SLC39A12: variants seen among roughly 807,000 people sequenced by gnomAD.
SLC39A12 encodes solute carrier family 39 member 12.
Under a neutral mutation model 71.1 loss-of-function variants are expected in SLC39A12, and 63 were observed. The ratio of observed to expected loss-of-function variants is 0.89; its 90% confidence interval spans 0.72 to 1.09. The LOEUF (loss-of-function observed/expected upper bound fraction) is 1.09. SLC39A12 is among the 50% of genes least tolerant of loss of function. The pLI is 0.00. For missense variants in SLC39A12, 892 were observed against 812.6 expected, an observed-to-expected ratio of 1.10 and a Z score of -1.19; for synonymous variants, 351 against 301.3, an observed-to-expected ratio of 1.16 and a Z score of -1.71.
chr10:17,987,047 G>T (rs1835416816), intron 6 of SLC39A12, among the ~76,000 whole-genome samples: 1 of 152,158 alleles, frequency 6.6e-6, no homozygotes, highest in Non-Finnish European at 1.5e-5. Flanking sequence ...AAAATTCCAA[G>T]TTGGGGGCAG....
chr10:18,000,160 G>T (rs1051729661), intron 10 of SLC39A12, among the ~76,000 whole-genome samples: 8 of 152,146 alleles, frequency 5.3e-5, no homozygotes, highest in Non-Finnish European at 8.8e-5. Flanking sequence ...GGCAGAAGGG[G>T]CAAGGGAACT....
intron 12 of SLC39A12, among the ~76,000 whole-genome samples, chr10:18,041,772 CAT>C (rs1234170224): frequency 7.4e-6 from 1 of 134,330 alleles, no homozygotes; most frequent in Non-Finnish European, 1.6e-5. Flanking sequence ...CATATGTATA[CAT>C]ATGTATATAC....
intron 12 of SLC39A12, among the ~76,000 whole-genome samples, chr10:18,040,022 T>A (rs116968288): frequency 6.6e-6 from 1 of 152,288 alleles, no homozygotes; most frequent in East Asian, 1.9e-4. Flanking sequence ...GTTAACTATA[T>A]GAGAAACTTG....
intron 12 of SLC39A12, among the ~76,000 whole-genome samples, chr10:18,032,824 A>G (rs1262714055): frequency 6.7e-6 from 1 of 149,088 alleles, no homozygotes; most frequent in African/African-American, 2.5e-5. Context: ...AATACGTCCC[A>G]TCAATACCTA....
intron 12 of SLC39A12, among the ~76,000 whole-genome samples, chr10:18,035,981 C>T (rs1367519454): frequency 6.6e-6 from 1 of 152,140 alleles, no homozygotes; most frequent in South Asian, 2.1e-4. Flanking sequence ...GTCAGGGACC[C>T]ACTTGAGGAG....
chr10:18,022,918 T>C (rs7074271), intron 12 of SLC39A12, among the ~76,000 whole-genome samples: 28,930 of 152,140 alleles, frequency 0.19, 4,600 homozygotes, highest in African/African-American at 0.43. Flanking sequence ...TTTTTTGGTG[T>C]TGAAATTTGG....
intron 12 of SLC39A12, among the ~76,000 whole-genome samples, chr10:18,034,966 A>G (rs1270106796): frequency 6.6e-6 from 1 of 151,770 alleles, no homozygotes; most frequent in African/African-American, 2.4e-5. Context: ...AAGAATGTTG[A>G]ATATTGGCCC....
chr10:17,976,716 C>T (rs778844536), intron 4 of SLC39A12, among the ~76,000 whole-genome samples: 1 of 152,194 alleles, frequency 6.6e-6, no homozygotes, highest in Non-Finnish European at 1.5e-5. Context: ...TGAGCCACCA[C>T]GCTGGTCCTC....
chr10:18,033,780 G>A (rs979323643), intron 12 of SLC39A12, among the ~76,000 whole-genome samples: 1 of 146,706 alleles, frequency 6.8e-6, no homozygotes, highest in Non-Finnish European at 1.5e-5. Flanking sequence ...TTTCTCTTGT[G>A]GGCATTTAGT....
intron 12 of SLC39A12, among the ~76,000 whole-genome samples, chr10:18,038,247 A>C (rs558669513): frequency 1.3e-5 from 2 of 152,194 alleles, no homozygotes; most frequent in East Asian, 1.9e-4. Context: ...TAATTTTCTC[A>C]CTGGGAGTAG....
Position 17,965,686 on chromosome 10 carries a change from A to G in SLC39A12, c.747A>G (p.Leu249=), listed in dbSNP as rs201850879. 169 of 1,611,542 alleles carry G rather than the reference A, an allele frequency of 1.0e-4. No individual in the cohort carries two copies. The highest frequency in any genetic ancestry group is 3.3e-4 in the Middle Eastern group (2 of 6,076). Residue 249 remains leucine, a synonymous_variant, in exon 4 of 13, where the codon CTA becomes CTG. Coordinates refer to ENST00000377369, the MANE Select transcript of SLC39A12 (RefSeq NM_001145195.2). ...TGAATCGTACGAATACCCTCCGCCTATCAGGTAAGGATGTTTTCACGAATT... is the reference window on the plus strand; with the variant it reads ...TGAATCGTACGAATACCCTCCGCCTGTCAGGTAAGGATGTTTTCACGAATT... ...SSLNRTNTLR[L]SELDQLLNTL...
Position 17,966,960 on chromosome 10 carries a change from C to T in SLC39A12, c.751+1270C>T, listed in dbSNP as rs544096959. On this transcript the variant is annotated intron_variant, in intron 4 of 12. Coordinates refer to ENST00000377369, the MANE Select transcript of SLC39A12 (RefSeq NM_001145195.2). ...CTGCACTCCACCTTTCAAGACAGAG[C>T]GAGATTCCATCTCAAAAAAAAAAAA... Among the ~76,000 whole-genome samples, 6 of 150,786 alleles carry T rather than the reference C, an allele frequency of 4.0e-5. No individual in the cohort carries two copies. The East Asian group carries it at 7.8e-4, about 20-fold the overall frequency.
Position 17,961,784 on chromosome 10 carries a change from T to C in SLC39A12, c.465T>C (p.Asp155=). 1.2e-6 allele frequency: 2 copies of C among 1,614,146 alleles called. No individual in the cohort carries two copies. Among genetic ancestry groups the C allele is most frequent in the Non-Finnish European group, 1.7e-6 (2 of 1,180,008 alleles). ...HSLLSLRQDE[D]SSFLSQNETE... ...TACTGAGCCTCAGGCAGGATGAAGATTCCTCTTTCCTTTCACAGAATGAGA... is the reference window on the plus strand; with the variant it reads ...TACTGAGCCTCAGGCAGGATGAAGACTCCTCTTTCCTTTCACAGAATGAGA... Residue 155 remains aspartate, a synonymous_variant, in exon 3 of 13, where the codon GAT becomes GAC. Transcript: ENST00000377369.
rs900733942 is a variant in SLC39A12 at position 17,978,030 on chromosome 10, T to C, written c.880T>C (p.Ser294Pro). 7 of 1,604,624 alleles carry C rather than the reference T, an allele frequency of 4.4e-6. No individual in the cohort carries two copies. Among genetic ancestry groups the C allele is most frequent in the Non-Finnish European group, 5.9e-6 (7 of 1,176,738 alleles). Residue 294 changes from serine (S) to proline (P), a missense_variant, in exon 5 of 13, where the codon TCC becomes CCC. By Grantham distance (74) the Ser-to-Pro change is moderately conservative (BLOSUM62 -1). Coordinates refer to ENST00000377369, the MANE Select transcript of SLC39A12 (RefSeq NM_001145195.2). ...TCAGGACTATTCTAATTTCTCTTCATCCATGGAAAAAGAGTCTGAGGATGG... is the reference window on the plus strand; with the variant it reads ...TCAGGACTATTCTAATTTCTCTTCACCCATGGAAAAAGAGTCTGAGGATGG... The part of the protein sequence containing the change: ...HDQDYSNFSS[S>P]MEKESEDGPV...
intron 11 of SLC39A12, chr10:18,001,734 T>C (rs954976807): frequency 6.6e-5 from 10 of 152,212 alleles, no homozygotes; most frequent in African/African-American, 2.4e-4. Context: ...GTACATGCGA[T>C]GTTTTGATAC....
chr10:17,973,994 A>G (rs577967945), intron 4 of SLC39A12, among the ~76,000 whole-genome samples: 10 of 151,718 alleles, frequency 6.6e-5, no homozygotes, highest in Admixed American at 2.0e-4. Context: ...CAGTTCTGCT[A>G]TTAAGACTCT....
intron 12 of SLC39A12, among the ~76,000 whole-genome samples, chr10:18,033,914 T>TAGTC (rs1836924111): frequency 6.6e-6 from 1 of 151,666 alleles, no homozygotes; most frequent in African/African-American, 2.4e-5. Flanking sequence ...ATGTACCCAG[T>TAGTC]AGTCATTCAG....
intron 9 of SLC39A12, among the ~76,000 whole-genome samples, chr10:17,995,294 A>G (rs1835656140): frequency 2.0e-5 from 3 of 152,178 alleles, no homozygotes; most frequent in Admixed American, 1.3e-4. Flanking sequence ...AATCCACCAT[A>G]CAGGAGAAGT....
At chr10:18,036,784 A>ATTTTTTTTTTTTTT (rs1277319900) in intron 12 of SLC39A12, among the ~76,000 whole-genome samples, 3 of 7,688 alleles carry the variant, frequency 3.9e-4, no homozygotes, top group Non-Finnish European at 6.1e-4. Flanking sequence ...ATATATATAT[A>ATTTTTTTTTTTTTT]TATATATATA....
Sources: allele counts gnomAD v4.1 joint callset (sites outside exome capture counted in the v4.1 genomes callset), GRCh38; gene constraint gnomAD v4.1.1; transcripts MANE v1.5; gene names NCBI Gene and HGNC (gene_info 2026-07-23, HGNC 2026-07-21).